The following KSR2 variants were observed in gnomAD, a reference collection of about 807,000 sequenced individuals.
The protein encoded by KSR2 is kinase suppressor of ras 2.
Under a neutral mutation model 107.8 loss-of-function variants are expected in KSR2, and 25 were observed. The ratio of observed to expected loss-of-function variants is 0.23; its 90% CI spans 0.17 to 0.32. KSR2 has a LOEUF of 0.32. Ranked by LOEUF, KSR2 falls within the 10% of genes least tolerant of loss-of-function variation. The pLI is 1.00. For missense variants in KSR2, 887 were observed against 1,268.9 expected (o/e 0.70, Z 4.57); for synonymous variants, 480 against 507.0 (o/e 0.95, Z 0.71).
Position 117,842,020 on chromosome 12 carries a change from T to C in KSR2, c.472+13408A>G, listed in dbSNP as rs1406753548. ...AACTCTGAGCCAGATGCAGGGAGAA[T>C]TCCAACACAGGGGTTCTCAAAGCGT... On this transcript the variant is annotated intron_variant, in intron 3 of 19. Transcript: ENST00000339824. The surrounding 1 kb of genome is among the most constrained non-coding windows in gnomAD (Gnocchi z 4.2). Among the ~76,000 whole-genome samples the C allele has an allele frequency of 6.6e-6, 1 of 151,604 alleles. No individual in the cohort carries two copies. The highest frequency in any genetic ancestry group is 1.5e-5 in the Non-Finnish European group (1 of 67,714).
intron 9 of KSR2, among the ~76,000 whole-genome samples, chr12:117,544,487 C>G (rs1876719321): frequency 6.6e-6 from 1 of 151,980 alleles, no homozygotes; most frequent in African/African-American, 2.4e-5. Flanking sequence ...GGTGCGGTGG[C>G]ACACACCTGT....
At chr12:117,814,639 A>G (rs192185458) in intron 3 of KSR2, among the ~76,000 whole-genome samples, 10 of 152,240 alleles carry the variant, frequency 6.6e-5, no homozygotes, top group African/African-American at 1.9e-4. Flanking sequence ...TTCCAGCGGA[A>G]CCACATTCCT....
At chr12:117,494,771 T>C (rs1440269389) in intron 14 of KSR2, among the ~76,000 whole-genome samples, 1 of 151,954 alleles carries the variant, frequency 6.6e-6, no homozygotes, top group Non-Finnish European at 1.5e-5. Flanking sequence ...GTAGATGGAG[T>C]TGGGGGCATC....
intron 5 of KSR2, among the ~76,000 whole-genome samples, chr12:117,618,435 A>G (rs2393239): frequency 0.69 from 105,147 of 151,800 alleles, 37,455 homozygotes; most frequent in South Asian, 0.88. Context: ...ATTAGCAAGT[A>G]TCTTGAGAGG....
intron 5 of KSR2, among the ~76,000 whole-genome samples, chr12:117,600,806 C>A (rs532756926): frequency 6.6e-6 from 1 of 152,278 alleles, no homozygotes; most frequent in African/African-American, 2.4e-5. Flanking sequence ...CTTCTTTCAT[C>A]CCTAGATATC....
intron 3 of KSR2, among the ~76,000 whole-genome samples, chr12:117,804,836 TACAG>T (rs1890958298): frequency 6.6e-6 from 1 of 152,168 alleles, no homozygotes; most frequent in Non-Finnish European, 1.5e-5. Flanking sequence ...TCCCTCTCAT[TACAG>T]AACAATTCTA....
At chr12:117,495,270 T>G (rs868488784) in intron 14 of KSR2, among the ~76,000 whole-genome samples, 5 of 152,316 alleles carry the variant, frequency 3.3e-5, no homozygotes, top group Middle Eastern at 3.4e-3. Context: ...AAGTTACAGG[T>G]CGCACACTCC....
Position 117,768,663 on chromosome 12 carries a change from G to A in KSR2, c.473-7139C>T, listed in dbSNP as rs2058239225. 2.0e-5 allele frequency among the ~76,000 whole-genome samples: 3 copies of A among 152,170 alleles called. No individual in the cohort carries two copies. In the South Asian group the frequency reaches 6.2e-4, roughly 32 times the overall value. Reference sequence around the variant, plus strand: ...GAAGCATCTGGATGGGAGATGACGGGGACCTGGGATAGTTATGGCAGTGGA... The same window carrying A: ...GAAGCATCTGGATGGGAGATGACGGAGACCTGGGATAGTTATGGCAGTGGA... On this transcript the variant is annotated intron_variant, in intron 3 of 19. Transcript: ENST00000339824.
intron 4 of KSR2, among the ~76,000 whole-genome samples, chr12:117,715,494 G>A (rs1222277014): frequency 7.2e-5 from 11 of 152,202 alleles, no homozygotes; most frequent in Admixed American, 6.5e-4. Context: ...TTTGTTGCGT[G>A]TTGTACCAAG....
intron 15 of KSR2, among the ~76,000 whole-genome samples, 157 bp downstream of exon 15, chr12:117,485,438 G>A (rs530484539): frequency 6.6e-6 from 1 of 152,240 alleles, no homozygotes; most frequent in Non-Finnish European, 1.5e-5. Flanking sequence ...CTTATACATG[G>A]CCTGGCATTT....
Position 117,650,763 on chromosome 12 carries a change from A to C in KSR2, c.1171+16711T>G, listed in dbSNP as rs543856572. Among the ~76,000 whole-genome samples the C allele has an allele frequency of 7.4e-4, 113 of 152,362 alleles. 1 individual carries two copies. Among genetic ancestry groups the C allele is most frequent in the Non-Finnish European group, 1.3e-3 (88 of 68,038 alleles). On this transcript the variant is annotated intron_variant, in intron 5 of 19. Transcript: ENST00000339824. Reference sequence around the variant, plus strand: ...AAGCTGGTTGGCTGCTCCTAAGTTCAGTAGACAAAGTGATGAAATAAAATT... The same window carrying C: ...AAGCTGGTTGGCTGCTCCTAAGTTCCGTAGACAAAGTGATGAAATAAAATT...
At chr12:117,593,337 G>T (rs1320706156) in intron 5 of KSR2, among the ~76,000 whole-genome samples, 1 of 152,188 alleles carries the variant, frequency 6.6e-6, no homozygotes, top group Non-Finnish European at 1.5e-5. Context: ...CATTGTAAAT[G>T]GCCTCACGTT....
At chr12:117,531,630 T>C in intron 11 of KSR2, 36 bp downstream of exon 11, 2 of 1,593,126 alleles carry the variant, frequency 1.3e-6, no homozygotes, top group Non-Finnish European at 1.7e-6. Context: ...CGGGGCTTGT[T>C]CAGAAGGGGC....
chr12:117,522,357 C>T (rs1099694), intron 14 of KSR2, among the ~76,000 whole-genome samples: 107,959 of 151,774 alleles, frequency 0.71, 39,180 homozygotes, highest in East Asian at 0.96. Context: ...AAGGAACTGA[C>T]CAGACAGAAA....
intron 5 of KSR2, among the ~76,000 whole-genome samples, chr12:117,615,689 G>A (rs141763203): frequency 4.7e-4 from 72 of 152,176 alleles, no homozygotes; most frequent in African/African-American, 8.2e-4. Flanking sequence ...GGATCCTTTC[G>A]GCCTCGGTCA....
chr12:117,641,647 G>A (rs1883362996), intron 5 of KSR2, among the ~76,000 whole-genome samples: 1 of 152,054 alleles, frequency 6.6e-6, no homozygotes, highest in Non-Finnish European at 1.5e-5. Flanking sequence ...TACCTGCAAG[G>A]ACCCCGTTTC....
At chr12:117,793,621 ACATGCACACTTATCC>A (rs1473949003) in intron 3 of KSR2, among the ~76,000 whole-genome samples, 1 of 147,870 alleles carries the variant, frequency 6.8e-6, no homozygotes, top group Non-Finnish European at 1.5e-5. Flanking sequence ...ACTCACACCA[ACATGCACACTTATCC>A]CATGCACATA....
At chr12:117,834,860 ATTTT>A (rs957541444) in intron 3 of KSR2, among the ~76,000 whole-genome samples, 1 of 152,198 alleles carries the variant, frequency 6.6e-6, no homozygotes, top group Non-Finnish European at 1.5e-5. Context: ...GTGGGAATTA[ATTTT>A]TTTATGTTCA....
intron 3 of KSR2, among the ~76,000 whole-genome samples, chr12:117,815,356 C>G (rs1566028918): frequency 6.6e-6 from 1 of 152,016 alleles, no homozygotes; most frequent in South Asian, 2.1e-4. Context: ...CAAGACCACT[C>G]TATATGTCTT....
Sources: allele counts gnomAD v4.1 joint callset (sites outside exome capture counted in the v4.1 genomes callset), GRCh38; gene constraint gnomAD v4.1.1; non-coding constraint Gnocchi (gnomAD v3.1); transcripts MANE v1.5; gene names NCBI Gene and HGNC (gene_info 2026-07-23, HGNC 2026-07-21).